The following FRMD4B variants were observed in gnomAD, a reference collection of about 807,000 sequenced individuals.
The protein encoded by FRMD4B is FERM domain-containing protein 4B.
FRMD4B carries 74 observed loss-of-function variants against 141.5 expected under a neutral mutation model. The ratio of observed to expected loss-of-function variants is 0.52; its 90% CI spans 0.43 to 0.63. FRMD4B has a LOEUF of 0.63. FRMD4B is among the 30% of genes least tolerant of loss of function. The probability of loss-of-function intolerance (pLI) is 0.00; values close to 1 mark genes in which losing one functional copy is unlikely to be tolerated. For synonymous variants in FRMD4B, 506 were observed against 467.9 expected (o/e 1.08, Z -1.05); for missense variants, 1,366 against 1,253.4 (o/e 1.09, Z -1.36).
intron 2 of FRMD4B, among the ~76,000 whole-genome samples, chr3:69,410,347 G>C (rs939795666): frequency 1.3e-5 from 2 of 152,110 alleles, no homozygotes; most frequent in African/African-American, 4.8e-5. Flanking sequence ...AGGGGTAAGC[G>C]TGTGAATATC....
In FRMD4B at chr3:69,181,591, C is replaced by A. The variant is rs759574846; in HGVS notation, c.2159G>T (p.Ser720Ile). Residue 720 changes from serine to isoleucine, a missense_variant, in exon 21 of 23, where the codon AGC (serine) becomes ATC (isoleucine). By Grantham distance (142) the Ser-to-Ile change is moderately radical (BLOSUM62 -2). Transcript: ENST00000398540. ...GTCATCGAGGATTTCTGTGCTGCTG[C>A]TTCTTTGGGATTTGGAGAGGGAGAA... ...PFFSLSKSQRSSSTEILDDGS... is the reference protein window; with the variant it reads ...PFFSLSKSQRISSTEILDDGS... The A allele has an allele frequency of 1.2e-6, 2 of 1,613,844 alleles. No individual in the cohort carries two copies. Among genetic ancestry groups the A allele is most frequent in the East Asian group, 2.2e-5 (1 of 44,866 alleles).
At position 69,385,855 on chromosome 3, in the gene FRMD4B, C is replaced by A. The variant is rs771502578; in HGVS notation, c.135G>T (p.Thr45=). The change falls in exon 1 of 23, where the codon ACG becomes ACT. Residue 45 remains threonine, a synonymous_variant. Transcript: ENST00000398540. ...GGTACACGTCCTGCAGCCCGCACCA[C>A]GTCCGCAGCACCTGGTGGCAAGCCC... ...RLRACHQVLR[T]WCGLQDVYQM... 2 of 1,596,236 alleles carry A rather than the reference C, an allele frequency of 1.3e-6. No homozygotes were observed.
rs1559543447 is a variant in FRMD4B, at chr3:69,489,350, GTATACATATATAAATGAGATATATGTA to G, written c.-129+52829_-129+52855del. On this transcript the variant is annotated intron_variant, in intron 1 of 5. Coordinates refer to the FRMD4B transcript ENST00000459638. ...TAAATGAGATATATGTATATAAAAT[GTATACATATATAAATGAGATATATGTA>G]TATAAAATGTATACATATATAAATG... Among the ~76,000 whole-genome samples the G allele has an allele frequency of 3.1e-3, 463 of 147,920 alleles. 1 individual carries two copies. Among genetic ancestry groups the G allele is most frequent in the African/African-American group, 0.011 (442 of 40,494 alleles).
chr3:69,196,663 T>C lies in FRMD4B; in HGVS notation c.1092+237A>G, dbSNP rs1575599581. ...ACCGGCAACATCACCGCCAGCAGTGTCACCAGTATATACAAACGTGCATGC... is the reference window on the plus strand; with the variant it reads ...ACCGGCAACATCACCGCCAGCAGTGCCACCAGTATATACAAACGTGCATGC... On this transcript the variant is annotated intron_variant, in intron 13 of 22. Coordinates refer to ENST00000398540, the MANE Select transcript of FRMD4B (RefSeq NM_015123.3). 1.3e-4 allele frequency: 75 copies of C among 578,610 alleles called. No homozygotes were observed. The East Asian group carries it at 2.2e-3, about 17-fold the overall frequency. 35.8% of individuals were successfully genotyped at this position (578,610 alleles called of 1,614,324 possible).
Position 69,181,170 on chromosome 3 carries a change from A to C in FRMD4B, c.2580T>G (p.Asp860Glu), listed in dbSNP as rs768102366. ...QRDYSRSFHE[D>E]EVDRVPHNPY... is the part of the protein sequence containing the mutation. ...GGTTATGGGGTACCCGGTCGACCTC[A>C]TCTTCGTGAAAGGATCTGCTGTAGT... Residue 860 changes from aspartate to glutamate, a missense_variant, in exon 21 of 23, where the codon GAT (aspartate) becomes GAG (glutamate). By Grantham distance (45) the Asp-to-Glu change is conservative. Transcript: ENST00000398540. 7 of 1,613,958 alleles carry C rather than the reference A, an allele frequency of 4.3e-6. No homozygotes were observed. The highest frequency in any genetic ancestry group is 5.9e-6 in the Non-Finnish European group (7 of 1,179,880).
At chr3:69,227,112 C>A (rs149417348) in intron 7 of FRMD4B, among the ~76,000 whole-genome samples, 63 of 152,200 alleles carry the variant, frequency 4.1e-4, no homozygotes, top group African/African-American at 1.3e-3. Flanking sequence ...ATTTTCCCAG[C>A]GATTTTCAAG....
At chr3:69,189,038 A>G (rs1190867828) in intron 18 of FRMD4B, among the ~76,000 whole-genome samples, 1 of 151,910 alleles carries the variant, frequency 6.6e-6, no homozygotes, top group Non-Finnish European at 1.5e-5. Context: ...CCTGACCAAC[A>G]TGGTGAAACC....
intron 1 of FRMD4B, among the ~76,000 whole-genome samples, chr3:69,476,127 T>C (rs371608820): frequency 6.6e-6 from 1 of 150,900 alleles, no homozygotes; most frequent in African/African-American, 2.5e-5. Flanking sequence ...GAGTAGGTTG[T>C]GAAAATTTTC....
intron 1 of FRMD4B, among the ~76,000 whole-genome samples, chr3:69,532,374 T>C (rs557368684): frequency 6.6e-6 from 1 of 152,318 alleles, no homozygotes; most frequent in African/African-American, 2.4e-5. Flanking sequence ...GCCTTTTAAG[T>C]GCATCTATCT....
intron 1 of FRMD4B, among the ~76,000 whole-genome samples, chr3:69,343,210 TC>T (rs1702800483): frequency 6.6e-6 from 1 of 152,024 alleles, no homozygotes; most frequent in Non-Finnish European, 1.5e-5. Flanking sequence ...TGTCCCAACC[TC>T]CAAAGTGCTG....
chr3:69,434,246 A>G (rs1036435769), intron 1 of FRMD4B, among the ~76,000 whole-genome samples: 6 of 152,186 alleles, frequency 3.9e-5, no homozygotes, highest in Non-Finnish European at 5.9e-5. Flanking sequence ...AAATAAACAG[A>G]TATCTTCTGG....
At chr3:69,515,673 T>C (rs1196714194) in intron 1 of FRMD4B, among the ~76,000 whole-genome samples, 2 of 152,052 alleles carry the variant, frequency 1.3e-5, no homozygotes, top group Non-Finnish European at 2.9e-5. Context: ...AAAAACATAA[T>C]GACGAAATAG....
At chr3:69,384,856 T>G (rs188891793) in intron 1 of FRMD4B, among the ~76,000 whole-genome samples, 1 of 152,166 alleles carries the variant, frequency 6.6e-6, no homozygotes. Flanking sequence ...CACAATATAA[T>G]AAGACATAAA....
At chr3:69,253,831 T>C (rs1472339818) in intron 5 of FRMD4B, among the ~76,000 whole-genome samples, 1 of 152,198 alleles carries the variant, frequency 6.6e-6, no homozygotes, top group Non-Finnish European at 1.5e-5. Flanking sequence ...CTCACACCCA[T>C]AATCCCAGCA....
In FRMD4B at chr3:69,245,011, T is replaced by C. The variant is rs114995591; in HGVS notation, c.581+4215A>G. ...GGGAAACAAGTAATATTTGTAACAA[T>C]AGGGGAGTCCATCATGTCCATCAAT... On this transcript the variant is annotated intron_variant, in intron 7 of 22. Coordinates refer to ENST00000398540, the MANE Select transcript of FRMD4B (RefSeq NM_015123.3). Among the ~76,000 whole-genome samples, 450 of 152,246 alleles carry C rather than the reference T, an allele frequency of 3.0e-3. 3 individuals carry two copies. The highest frequency in any genetic ancestry group is 0.011 in the African/African-American group (440 of 41,554).
intron 7 of FRMD4B, among the ~76,000 whole-genome samples, chr3:69,246,128 T>C (rs2093424313): frequency 6.6e-6 from 1 of 152,168 alleles, no homozygotes; most frequent in African/African-American, 2.4e-5. Context: ...TGAGCCACTG[T>C]GCTCGGCACC....
At chr3:69,233,522 T>G (rs1029660249) in intron 7 of FRMD4B, among the ~76,000 whole-genome samples, 1 of 151,976 alleles carries the variant, frequency 6.6e-6, no homozygotes, top group South Asian at 2.1e-4. Context: ...TCTGGAGTTC[T>G]TTTTTCACCT....
At chr3:69,338,458 A>G (rs560451002) in intron 1 of FRMD4B, among the ~76,000 whole-genome samples, 12 of 148,888 alleles carry the variant, frequency 8.1e-5, no homozygotes, top group Admixed American at 7.3e-4. Context: ...AAGTATAATA[A>G]AAAAAGAAAA....
chr3:69,393,862 T>C (rs747673715), intron 2 of FRMD4B, among the ~76,000 whole-genome samples: 9 of 152,144 alleles, frequency 5.9e-5, no homozygotes, highest in Non-Finnish European at 1.2e-4. Flanking sequence ...CCCCATTTCA[T>C]GGATAAAGAA....
Sources: allele counts gnomAD v4.1 joint callset (sites outside exome capture counted in the v4.1 genomes callset), GRCh38; gene constraint gnomAD v4.1.1; transcripts MANE v1.5; gene names NCBI Gene and HGNC (gene_info 2026-07-23, HGNC 2026-07-21).